Variants in SLC39A10 observed in about 807,000 individuals in gnomAD.
The protein encoded by SLC39A10 is solute carrier family 39 member 10, also known as zinc transporter ZIP10.
In SLC39A10, 13 loss-of-function variants were observed where a neutral mutation model predicts 65.1. The observed-to-expected ratio is 0.20, with a 90% CI of 0.13 to 0.32. SLC39A10 has a LOEUF of 0.32. Ranked by LOEUF, SLC39A10 falls within the 10% of genes least tolerant of loss-of-function variation. The probability of loss-of-function intolerance (pLI) is 1.00; values close to 1 mark genes in which losing one functional copy is unlikely to be tolerated. For synonymous variants in SLC39A10, 321 were observed against 342.2 expected, an observed-to-expected ratio of 0.94 and a Z score of 0.68; for missense variants, 831 against 1,018.4, an observed-to-expected ratio of 0.82 and a Z score of 2.50.
chr2:195,672,230 A>G (rs966693912), intron 1 of SLC39A10, among the ~76,000 whole-genome samples: 3 of 152,038 alleles, frequency 2.0e-5, no homozygotes, highest in Non-Finnish European at 4.4e-5. Flanking sequence ...TCCTGGGTTC[A>G]ATCAATCCTC....
At chr2:195,706,506 G>A (rs950902040) in intron 3 of SLC39A10, 110 bp from the exon 4 acceptor site, 1 of 1,022,172 alleles carries the variant, frequency 9.8e-7, no homozygotes, top group Non-Finnish European at 1.4e-6. Flanking sequence ...CATAATCTGG[G>A]TAAAATAGTC....
At chr2:195,681,103 GT>G in intron 2 of SLC39A10, 53 bp downstream of exon 2, 1 of 1,521,798 alleles carries the variant, frequency 6.6e-7, no homozygotes, top group Non-Finnish European at 8.9e-7. Flanking sequence ...CATAATTGTG[GT>G]GCATTTTAAA....
chr2:195,699,047 T>G (rs1187955935), intron 3 of SLC39A10, among the ~76,000 whole-genome samples: 1 of 152,064 alleles, frequency 6.6e-6, no homozygotes, highest in Non-Finnish European at 1.5e-5. Flanking sequence ...TGCCAGGAAT[T>G]TGTCCATTTC....
intron 3 of SLC39A10, among the ~76,000 whole-genome samples, chr2:195,705,120 C>G (rs924727126): frequency 4.6e-5 from 7 of 152,084 alleles, no homozygotes; most frequent in African/African-American, 1.2e-4. Flanking sequence ...CCTTTCTTTC[C>G]ACTAACCAGG....
chr2:195,711,527 G>A (rs937528008), intron 5 of SLC39A10, among the ~76,000 whole-genome samples: 22 of 152,226 alleles, frequency 1.4e-4, no homozygotes, highest in Admixed American at 1.2e-3. Context: ...ATAAGTCAGG[G>A]CATCTGCTTT....
At position 195,735,805 on chromosome 2, in the gene SLC39A10, A is replaced by ATTTTTTTTTTTTTTTT. The variant is rs55916294; in HGVS notation, c.*767_*782dup. On this transcript the variant is annotated 3_prime_UTR_variant, in exon 10 of 10. Transcript: ENST00000359634. Reference sequence around the variant, plus strand: ...TGTTTTTTACTTTAATTTTGTTTTGATTTTTTTTTTTTTTTTTTGGCGGGG... The same window carrying ATTTTTTTTTTTTTTTT: ...TGTTTTTTACTTTAATTTTGTTTTGATTTTTTTTTTTTTTTTTTTTTTTTTTTTTTTTTTGGCGGGG... 8.0e-6 allele frequency: 1 copy of ATTTTTTTTTTTTTTTT among 124,378 alleles called. No individual in the cohort carries two copies. Among genetic ancestry groups the ATTTTTTTTTTTTTTTT allele is most frequent in the African/African-American group, 3.1e-5 (1 of 32,602 alleles). The allele number at this position is 124,378 out of a possible 1,614,324, so 7.7% of individuals were successfully genotyped here.
At chr2:195,623,463 A>G (rs981573090) in intron 2 of SLC39A10, among the ~76,000 whole-genome samples, 5 of 152,208 alleles carry the variant, frequency 3.3e-5, no homozygotes, top group African/African-American at 1.2e-4. Flanking sequence ...CTAGAAGTGC[A>G]CAATTTTTGG....
intron 9 of SLC39A10, among the ~76,000 whole-genome samples, chr2:195,729,960 A>AGTTT (rs1326461378): frequency 2.0e-5 from 1 of 50,382 alleles, no homozygotes; most frequent in South Asian, 7.0e-4. Flanking sequence ...CACCATGCCT[A>AGTTT]ATTTTTTTTT....
In SLC39A10 at chr2:195,657,296, C is replaced by T. The variant is rs1300852711; in HGVS notation, c.-12+15C>T. ...TCGAGTGTGAGGTAACTATAAAACC[C>T]CGATTTGTTTACATTCCCTCCCCCA... On this transcript the variant is annotated intron_variant, in intron 1 of 9. Transcript: ENST00000359634. 2 of 777,522 alleles carry T rather than the reference C, an allele frequency of 2.6e-6. No homozygotes were observed. Among genetic ancestry groups the T allele is most frequent in the African/African-American group, 1.9e-5 (1 of 53,248 alleles). The allele number at this position is 777,522 out of a possible 1,614,324, so 48.2% of individuals were successfully genotyped here. A position where few individuals can be genotyped will look rare whatever the true frequency, so the allele number is the denominator to read the frequency against.
chr2:195,710,475 A>C (rs1691566447), intron 5 of SLC39A10, among the ~76,000 whole-genome samples: 1 of 152,124 alleles, frequency 6.6e-6, no homozygotes, highest in African/African-American at 2.4e-5. Flanking sequence ...TTGTTTGCAT[A>C]TGTGTGTGTT....
intron 1 of SLC39A10, among the ~76,000 whole-genome samples, chr2:195,659,991 C>G (rs1689321159): frequency 6.6e-6 from 1 of 152,080 alleles, no homozygotes; most frequent in African/African-American, 2.4e-5. Context: ...TACTTCTCTT[C>G]CATTTTCTAA....
At chr2:195,615,483 AT>A (rs764013062) in intron 2 of SLC39A10, among the ~76,000 whole-genome samples, 1 of 152,166 alleles carries the variant, frequency 6.6e-6, no homozygotes, top group Non-Finnish European at 1.5e-5. Flanking sequence ...TTTTTTAAAA[AT>A]ATACAGGTGT....
chr2:195,614,206 T>C (rs1250090789), intron 2 of SLC39A10, among the ~76,000 whole-genome samples: 2 of 152,240 alleles, frequency 1.3e-5, no homozygotes, highest in Admixed American at 1.3e-4. Flanking sequence ...GAATAGCATC[T>C]GATACATAGT....
chr2:195,623,382 C>T (rs1284832279), intron 2 of SLC39A10, among the ~76,000 whole-genome samples: 1 of 152,044 alleles, frequency 6.6e-6, no homozygotes, highest in African/African-American at 2.4e-5. Context: ...ATTTCCTTGT[C>T]CCCCACTACC....
chr2:195,646,268 A>G (rs1237191413), intron 2 of SLC39A10, among the ~76,000 whole-genome samples: 1 of 151,876 alleles, frequency 6.6e-6, no homozygotes, highest in Admixed American at 6.6e-5. Context: ...TTATTTTTTT[A>G]TTTACTTAAG....
chr2:195,678,824 TTAA>T (rs1289521754), intron 1 of SLC39A10, among the ~76,000 whole-genome samples: 3 of 152,120 alleles, frequency 2.0e-5, no homozygotes, highest in East Asian at 3.8e-4. Flanking sequence ...GTAAAATATT[TTAA>T]TAATTTTTAT....
At chr2:195,623,464 C>T (rs928793073) in intron 2 of SLC39A10, among the ~76,000 whole-genome samples, 7 of 152,138 alleles carry the variant, frequency 4.6e-5, no homozygotes, top group African/African-American at 1.4e-4. Context: ...TAGAAGTGCA[C>T]AATTTTTGGG....
intron 2 of SLC39A10, among the ~76,000 whole-genome samples, chr2:195,640,421 G>C (rs532046143): frequency 1.2e-4 from 18 of 151,010 alleles, no homozygotes; most frequent in Non-Finnish European, 1.0e-4. Flanking sequence ...ATTTATATCT[G>C]ATGAGGTTGA....
Position 195,683,689 on chromosome 2 carries a change from T to C in SLC39A10, c.1009-10T>C. On this transcript the variant is annotated splice_polypyrimidine_tract_variant and intron_variant, in intron 2 of 9. Coordinates refer to ENST00000359634, the MANE Select transcript of SLC39A10 (RefSeq NM_020342.3). ...CTCTTATTTAATTTGTTTTATCACT[T>C]TCCTTGCAGTGTTTGAACGTCACTC... is the stretch of plus-strand genomic sequence containing the variant. 1.2e-6 allele frequency: 2 copies of C among 1,606,534 alleles called. No individual in the cohort carries two copies. The highest frequency in any genetic ancestry group is 1.7e-6 in the Non-Finnish European group (2 of 1,175,528).
Sources: allele counts gnomAD v4.1 joint callset (sites outside exome capture counted in the v4.1 genomes callset), GRCh38; gene constraint gnomAD v4.1.1; transcripts MANE v1.5; gene names NCBI Gene and HGNC (gene_info 2026-07-23, HGNC 2026-07-21).